The following CPQ variants were observed in gnomAD, a reference collection of about 807,000 sequenced individuals.
CPQ encodes the protein carboxypeptidase Q.
In CPQ, 37 loss-of-function variants were observed where a neutral mutation model predicts 45.7. The ratio of observed to expected loss-of-function variants is 0.81; its 90% confidence interval spans 0.62 to 1.07. The LOEUF (loss-of-function observed/expected upper bound fraction) is 1.07, where lower values mean the gene tolerates loss of function less well. Among genes scored for constraint, CPQ ranks in the 50% least tolerant of loss-of-function variants. The probability of loss-of-function intolerance (pLI) is 0.00; values close to 1 mark genes in which losing one functional copy is unlikely to be tolerated. For missense variants in CPQ, 537 were observed against 572.9 expected (o/e 0.94, Z 0.64); for synonymous variants, 186 against 205.8 (o/e 0.90, Z 0.82).
rs117817845 is a variant in CPQ, at chr8:97,055,280, C to T, written c.1054-10729C>T. On this transcript the variant is annotated intron_variant, in intron 6 of 7. Coordinates refer to ENST00000220763, the MANE Select transcript of CPQ (RefSeq NM_016134.4). ...CTCCTGATGTCTCACTCCCCTCTCT[C>T]CTTTCTCCAGGGCTATTGTTGCCAC... Among the ~76,000 whole-genome samples, 320 of 152,302 alleles carry T rather than the reference C, an allele frequency of 2.1e-3. 10 individuals are homozygous for T. In the East Asian group the frequency reaches 0.055, roughly 26 times the overall value.
intron 7 of CPQ, among the ~76,000 whole-genome samples, chr8:97,142,656 A>G (rs1241817470): frequency 6.6e-6 from 1 of 152,202 alleles, no homozygotes; most frequent in Non-Finnish European, 1.5e-5. Context: ...GCTTGTTGAG[A>G]GAGTTAGCAA....
chr8:96,833,607 T>A (rs747121279), intron 2 of CPQ, among the ~76,000 whole-genome samples: 8 of 152,220 alleles, frequency 5.3e-5, no homozygotes, highest in Non-Finnish European at 7.3e-5. Flanking sequence ...TCTCAAAATC[T>A]GTCTAGCCAA....
In CPQ at chr8:97,086,235, G is replaced by A. The variant is rs189493205; in HGVS notation, c.1255+20025G>A. Among the ~76,000 whole-genome samples the A allele has an allele frequency of 5.7e-3, 865 of 152,212 alleles. 7 individuals carry two copies. The highest frequency in any genetic ancestry group is 0.01 in the Non-Finnish European group (711 of 68,014). Reference sequence around the variant, plus strand: ...ACCTGTAATAAAATTTTTGCTGCACGCTTAAATAATGTCTTCTAGAAATGA... The same window carrying A: ...ACCTGTAATAAAATTTTTGCTGCACACTTAAATAATGTCTTCTAGAAATGA... On this transcript the variant is annotated intron_variant, in intron 7 of 7. Coordinates refer to ENST00000220763, the MANE Select transcript of CPQ (RefSeq NM_016134.4).
chr8:96,958,451 T>TAAGAG (rs61631584), intron 4 of CPQ, among the ~76,000 whole-genome samples: 76,591 of 151,380 alleles, frequency 0.51, 21,405 homozygotes, highest in African/African-American at 0.77. Context: ...TTCTTCTACT[T>TAAGAG]AAGATCATCT....
At chr8:96,849,481 A>C (rs1054114909) in intron 3 of CPQ, among the ~76,000 whole-genome samples, 3 of 152,202 alleles carry the variant, frequency 2.0e-5, no homozygotes, top group African/African-American at 4.8e-5. Context: ...TTCCTGTACC[A>C]AGATGGAAAC....
intron 3 of CPQ, among the ~76,000 whole-genome samples, chr8:96,841,378 C>A (rs188815620): frequency 1.3e-5 from 2 of 152,146 alleles, no homozygotes; most frequent in Admixed American, 1.3e-4. Context: ...TCTTAGCATG[C>A]GAGCTCAAGA....
At chr8:97,084,989 T>A (rs971338001) in intron 7 of CPQ, among the ~76,000 whole-genome samples, 6 of 152,054 alleles carry the variant, frequency 3.9e-5, no homozygotes, top group African/African-American at 1.4e-4. Context: ...TTCTGCTGGA[T>A]TTTTTTTCTG....
intron 4 of CPQ, among the ~76,000 whole-genome samples, chr8:96,899,466 C>A (rs537775525): frequency 6.6e-6 from 1 of 152,210 alleles, no homozygotes; most frequent in East Asian, 1.9e-4. Context: ...GTTTAATTGG[C>A]TCATGACTCT....
At chr8:96,751,906 ATTGT>A (rs1810267492) in intron 1 of CPQ, among the ~76,000 whole-genome samples, 1 of 151,986 alleles carries the variant, frequency 6.6e-6, no homozygotes, top group Non-Finnish European at 1.5e-5. Flanking sequence ...TCCTTTCCAC[ATTGT>A]TTGTTTTTGT....
At chr8:97,017,892 G>A (rs757264445) in intron 5 of CPQ, among the ~76,000 whole-genome samples, 2 of 152,130 alleles carry the variant, frequency 1.3e-5, no homozygotes, top group African/African-American at 2.4e-5. Flanking sequence ...CACAGATGAT[G>A]CTCTCTTGAA....
At chr8:97,123,005 A>AAAATAAAATAAAAT (rs1811756933) in intron 7 of CPQ, among the ~76,000 whole-genome samples, 3 of 40,738 alleles carry the variant, frequency 7.4e-5, no homozygotes, top group Non-Finnish European at 8.0e-5. Context: ...AATAAAATAT[A>AAAATAAAATAAAAT]AAATAAAATA....
At chr8:96,963,874 C>T (rs1041931742) in intron 4 of CPQ, among the ~76,000 whole-genome samples, 8 of 151,830 alleles carry the variant, frequency 5.3e-5, no homozygotes, top group African/African-American at 1.2e-4. Flanking sequence ...TCCTGTTTTG[C>T]GTGTTTTTAT....
At chr8:96,744,974 G>A (rs1810155224) in intron 1 of CPQ, among the ~76,000 whole-genome samples, 1 of 152,072 alleles carries the variant, frequency 6.6e-6, no homozygotes, top group Admixed American at 6.5e-5. Context: ...TATCCCTATG[G>A]CCCCCAATAG....
chr8:96,995,288 G>T (rs566822364), intron 5 of CPQ, among the ~76,000 whole-genome samples: 1 of 152,044 alleles, frequency 6.6e-6, no homozygotes, highest in Non-Finnish European at 1.5e-5. Flanking sequence ...TATAGTAAAT[G>T]CTCAAGAAAT....
At chr8:97,118,347 C>A (rs756932588) in intron 7 of CPQ, among the ~76,000 whole-genome samples, 1 of 152,016 alleles carries the variant, frequency 6.6e-6, no homozygotes, top group Non-Finnish European at 1.5e-5. Flanking sequence ...TCACTGACCC[C>A]AGAGAAATCA....
At chr8:97,015,494 T>C (rs1382442298) in intron 5 of CPQ, among the ~76,000 whole-genome samples, 1 of 151,862 alleles carries the variant, frequency 6.6e-6, no homozygotes, top group Non-Finnish European at 1.5e-5. Flanking sequence ...TCAATCAAGG[T>C]AAAATAGACT....
intron 1 of CPQ, among the ~76,000 whole-genome samples, chr8:96,725,550 G>C (rs1357407391): frequency 2.0e-5 from 3 of 152,122 alleles, no homozygotes; most frequent in African/African-American, 7.2e-5. Context: ...TCTCACACTA[G>C]TCAGAATTGC....
chr8:97,040,601 G>A (rs1447613187), intron 6 of CPQ, among the ~76,000 whole-genome samples: 3 of 152,202 alleles, frequency 2.0e-5, no homozygotes, highest in African/African-American at 7.2e-5. Context: ...TTCTTCTAGG[G>A]TTGTTATGGT....
intron 4 of CPQ, among the ~76,000 whole-genome samples, chr8:96,956,408 C>T (rs1289950172): frequency 6.6e-6 from 1 of 152,000 alleles, no homozygotes; most frequent in Admixed American, 6.6e-5. Flanking sequence ...GATACACAAA[C>T]ATTATAAGGT....
Sources: gnomAD v4.1 joint callset for allele counts (sites outside exome capture counted in the v4.1 genomes callset) on GRCh38, gnomAD v4.1.1 for gene constraint, MANE v1.5 for transcripts, NCBI Gene and HGNC (gene_info 2026-07-23, HGNC 2026-07-21) for gene names.